The following MLLT1 variants were observed in gnomAD, a reference collection of about 807,000 sequenced individuals.
MLLT1 encodes protein ENL.
A neutral mutation model predicts 55.1 loss-of-function variants in MLLT1; 11 were observed. The ratio of observed to expected loss-of-function variants is 0.20; its 90% CI spans 0.13 to 0.33. The LOEUF (loss-of-function observed/expected upper bound fraction) is 0.33. Ranked by LOEUF, MLLT1 falls within the 10% of genes least tolerant of loss-of-function variation. The probability of loss-of-function intolerance (pLI) is 1.00; values close to 1 mark genes in which losing one functional copy is unlikely to be tolerated. For synonymous variants in MLLT1, 323 were observed against 320.1 expected, an observed-to-expected ratio of 1.01 and a Z score of -0.10; for missense variants, 536 against 760.6, an observed-to-expected ratio of 0.70 and a Z score of 3.47.
rs1031097129 is a variant in MLLT1 at position 6,212,693 on chromosome 19, G to A, written c.*349C>T. The stretch of plus-strand genomic sequence containing the variant: ...CGCTGCTCAGAAAGGCTGGGGCAGC[G>A]ACGCCGCACAGCCCGCCGAGCAGTG... On this transcript the variant is annotated 3_prime_UTR_variant, in exon 12 of 12. Coordinates refer to ENST00000252674, the MANE Select transcript of MLLT1 (RefSeq NM_005934.4). 9.8e-5 allele frequency: 110 copies of A among 1,118,702 alleles called. No homozygotes were observed. In the African/African-American group the frequency reaches 1.5e-3, roughly 15 times the overall value. 69.3% of individuals were successfully genotyped at this position (1,118,702 alleles called of 1,614,324 possible). A position where few individuals can be genotyped will look rare whatever the true frequency, so the allele number is the denominator to read the frequency against.
intron 1 of MLLT1, among the ~76,000 whole-genome samples, chr19:6,278,754 G>A (rs933186822): frequency 6.6e-6 from 1 of 152,164 alleles, no homozygotes; most frequent in African/African-American, 2.4e-5. Context: ...AAAGGTCTGG[G>A]GAATCCAGGT....
intron 3 of MLLT1, among the ~76,000 whole-genome samples, chr19:6,243,893 A>C (rs1191955985): frequency 6.6e-6 from 1 of 151,794 alleles, no homozygotes; most frequent in Admixed American, 6.6e-5. Flanking sequence ...AATACAAAAA[A>C]ATTAGCCAGG....
At position 6,229,151 on chromosome 19, in the gene MLLT1, T is replaced by G. The variant is rs971941359; in HGVS notation, c.420+1419A>C. On this transcript the variant is annotated intron_variant, in intron 4 of 11. Coordinates refer to ENST00000252674, the MANE Select transcript of MLLT1 (RefSeq NM_005934.4). The surrounding 1 kb of genome is among the most constrained non-coding windows in gnomAD (Gnocchi z 5.2). The stretch of plus-strand genomic sequence containing the variant: ...TCCGGGGACGCCCAAAAACACCTAC[T>G]GCAAACGTGGTGAAAACACCTGGCC... Among the ~76,000 whole-genome samples the G allele has an allele frequency of 1.3e-5, 2 of 151,804 alleles. No homozygotes were observed. The highest frequency in any genetic ancestry group is 6.6e-5 in the Admixed American group (1 of 15,262).
At chr19:6,220,121 C>T (rs981604383) in intron 6 of MLLT1, among the ~76,000 whole-genome samples, 4 of 152,218 alleles carry the variant, frequency 2.6e-5, no homozygotes, top group African/African-American at 9.6e-5. Context: ...AGTGGCCCTA[C>T]GAGGGTGGGC....
chr19:6,275,708 T>C (rs1250716617), intron 1 of MLLT1, among the ~76,000 whole-genome samples: 2 of 152,208 alleles, frequency 1.3e-5, no homozygotes, highest in East Asian at 3.9e-4. Context: ...CTCGTCCCTC[T>C]GACCCAAGGC....
intron 8 of MLLT1, among the ~76,000 whole-genome samples, chr19:6,215,314 G>A (rs1172182088): frequency 1.3e-5 from 2 of 152,208 alleles, no homozygotes. Context: ...GCCTCTCTGC[G>A]CTCACGGCTC....
chr19:6,221,125 A>G (rs2090893097), intron 6 of MLLT1, among the ~76,000 whole-genome samples: 1 of 152,158 alleles, frequency 6.6e-6, no homozygotes, highest in African/African-American at 2.4e-5. Flanking sequence ...TGGGACCTGC[A>G]TTCAAAGCCC....
At chr19:6,245,305 T>C (rs1471910776) in intron 3 of MLLT1, among the ~76,000 whole-genome samples, 1 of 150,396 alleles carries the variant, frequency 6.6e-6, no homozygotes, top group Non-Finnish European at 1.5e-5. Flanking sequence ...TTGCCCAGGC[T>C]GGTCTCAACC....
intron 3 of MLLT1, among the ~76,000 whole-genome samples, chr19:6,247,362 A>G (rs564641263): frequency 1.8e-4 from 28 of 152,316 alleles, no homozygotes; most frequent in African/African-American, 6.3e-4. Flanking sequence ...GCAGGGAAAT[A>G]CACGGTGAGC....
Position 6,270,985 on chromosome 19 carries a change from A to T in MLLT1, c.13-226T>A, listed in dbSNP as rs2091391281. Among the ~76,000 whole-genome samples the T allele has an allele frequency of 6.6e-6, 1 of 151,494 alleles. No homozygotes were observed. Among genetic ancestry groups the T allele is most frequent in the Non-Finnish European group, 1.5e-5 (1 of 67,846 alleles). On this transcript the variant is annotated intron_variant, in intron 1 of 11. Coordinates refer to ENST00000252674, the MANE Select transcript of MLLT1 (RefSeq NM_005934.4). The surrounding 1 kb of genome is among the most constrained non-coding windows in gnomAD (Gnocchi z 7.1). ...ACAGACCCCGTGTCTCCTCTCATCC[A>T]CCGCCTCATCCTCAATTCCACCCGC...
chr19:6,219,818 G>A lies in MLLT1; in HGVS notation c.1111-1777C>T, dbSNP rs950151767. Among the ~76,000 whole-genome samples the A allele has an allele frequency of 6.6e-6, 1 of 152,238 alleles. No homozygotes were observed. The highest frequency in any genetic ancestry group is 1.5e-5 in the Non-Finnish European group (1 of 68,050). ...CAGAGAGGATGCTGAGCCCCGAGAG[G>A]CCCCCAAGCCTGTCCTGGCGCCGTG... On this transcript the variant is annotated intron_variant, in intron 6 of 11. Transcript: ENST00000252674. This position sits in a 1 kb window ranked among gnomAD's most constrained non-coding sequence, Gnocchi z 4.5.
Position 6,273,829 on chromosome 19 carries a change from C to T in MLLT1, c.13-3070G>A, listed in dbSNP as rs1815784504. Among the ~76,000 whole-genome samples, 1 of 152,230 alleles carries T rather than the reference C, an allele frequency of 6.6e-6. No individual in the cohort carries two copies. The highest frequency in any genetic ancestry group is 6.5e-5 in the Admixed American group (1 of 15,290). On this transcript the variant is annotated intron_variant, in intron 1 of 11. Transcript: ENST00000252674. The surrounding 1 kb of genome is among the most constrained non-coding windows in gnomAD (Gnocchi z 4.3). ...TTCACTGACCCGGCCACTCAGACCT[C>T]GGCCGACTTCCCGGCATTTCTGATG...
chr19:6,234,063 G>A (rs1453481581), intron 3 of MLLT1, among the ~76,000 whole-genome samples: 1 of 152,218 alleles, frequency 6.6e-6, no homozygotes, highest in Non-Finnish European at 1.5e-5. Flanking sequence ...GGGAGGGGCT[G>A]GGAAGGCTCC....
At position 6,211,622 on chromosome 19, in the gene MLLT1, C is replaced by T. The variant is rs912322599; in HGVS notation, c.*1420G>A. ...TCCAGGCCCTCAGCCCTCTTTTCCT[C>T]ATAACTTGGTCAGGGCACAAGGACT... is the stretch of plus-strand genomic sequence containing the variant. On this transcript the variant is annotated 3_prime_UTR_variant, in exon 12 of 12. Coordinates refer to ENST00000252674, the MANE Select transcript of MLLT1 (RefSeq NM_005934.4). The surrounding 1 kb of genome is among the most constrained non-coding windows in gnomAD (Gnocchi z 4.6). 5.6e-6 allele frequency: 6 copies of T among 1,064,988 alleles called. No homozygotes were observed. The African/African-American group carries it at 9.8e-5, about 17-fold the overall frequency. 66.0% of individuals were successfully genotyped at this position (1,064,988 alleles called of 1,614,324 possible).
At chr19:6,260,777 T>A (rs1360001565) in intron 3 of MLLT1, among the ~76,000 whole-genome samples, 2 of 152,198 alleles carry the variant, frequency 1.3e-5, no homozygotes, top group African/African-American at 4.8e-5. Context: ...GCCTGGTAGG[T>A]TGAGGATACA....
chr19:6,279,747 G>C (rs1256939055), intron 1 of MLLT1, 26 bp downstream of exon 1: 2 of 147,912 alleles, frequency 1.4e-5, no homozygotes, highest in Admixed American at 6.8e-5. Context: ...GGCGGGCTGC[G>C]CAGGGGCGGC....
At position 6,212,831 on chromosome 19, in the gene MLLT1, G is replaced by C. The variant is rs553928975; in HGVS notation, c.*211C>G. 2.3e-4 allele frequency: 210 copies of C among 899,754 alleles called. No homozygotes were observed. Among genetic ancestry groups the C allele is most frequent in the Non-Finnish European group, 2.7e-4 (172 of 639,654 alleles). 55.7% of individuals were successfully genotyped at this position (899,754 alleles called of 1,614,324 possible). ...CCAGAGAGCCCGGGGGGCGGCTCCC[G>C]TGTGGCCCAGCCCGGCCCCAGGGCT... On this transcript the variant is annotated 3_prime_UTR_variant, in exon 12 of 12. Transcript: ENST00000252674.
At chr19:6,251,234 C>A (rs749187575) in intron 3 of MLLT1, among the ~76,000 whole-genome samples, 8 of 152,134 alleles carry the variant, frequency 5.3e-5, no homozygotes, top group Non-Finnish European at 1.0e-4. Flanking sequence ...GCTTTAAAAT[C>A]GTTAATTTCA....
intron 3 of MLLT1, among the ~76,000 whole-genome samples, chr19:6,250,057 A>G (rs987536841): frequency 6.6e-6 from 1 of 152,074 alleles, no homozygotes; most frequent in African/African-American, 2.4e-5. Flanking sequence ...AACTCTTACA[A>G]CTCAAAAAGA....
Sources: gnomAD v4.1 joint callset for allele counts (sites outside exome capture counted in the v4.1 genomes callset) on GRCh38, gnomAD v4.1.1 for gene constraint, Gnocchi (gnomAD v3.1) non-coding constraint, MANE v1.5 for transcripts, NCBI Gene and HGNC (gene_info 2026-07-23, HGNC 2026-07-21) for gene names.